DPYSL5: variants seen among roughly 807,000 people sequenced by gnomAD.
DPYSL5 encodes dihydropyrimidinase like 5.
DPYSL5 carries 9 observed loss-of-function variants against 58.4 expected under a neutral mutation model. The ratio of observed to expected loss-of-function variants is 0.15; its 90% CI spans 0.09 to 0.27. The LOEUF (loss-of-function observed/expected upper bound fraction) is 0.27, where lower values mean the gene tolerates loss of function less well. DPYSL5 is among the 10% of genes least tolerant of loss of function. DPYSL5 has a pLI of 1.00. For missense variants in DPYSL5, 499 were observed against 770.6 expected (o/e 0.65, Z 4.17); for synonymous variants, 293 against 301.9 (o/e 0.97, Z 0.31).
intron 1 of DPYSL5, among the ~76,000 whole-genome samples, chr2:26,874,165 A>T (rs960014484): frequency 6.6e-6 from 1 of 152,216 alleles, no homozygotes; most frequent in Non-Finnish European, 1.5e-5. Flanking sequence ...TATTCTGGAT[A>T]TAAGTCCTTT....
At chr2:26,919,783 C>A (rs938525583) in intron 2 of DPYSL5, among the ~76,000 whole-genome samples, 2 of 152,174 alleles carry the variant, frequency 1.3e-5, no homozygotes, top group African/African-American at 4.8e-5. Context: ...TGCTTCCTGG[C>A]AGTGTCCACC....
chr2:26,877,832 C>A lies in DPYSL5; in HGVS notation c.-4-20664C>A, dbSNP rs1023531531. 6.6e-6 allele frequency among the ~76,000 whole-genome samples: 1 copy of A among 152,084 alleles called. No individual in the cohort carries two copies. The highest frequency in any genetic ancestry group is 1.5e-5 in the Non-Finnish European group (1 of 68,032). On this transcript the variant is annotated intron_variant, in intron 1 of 12. Transcript: ENST00000288699. This position sits in a 1 kb window ranked among gnomAD's most constrained non-coding sequence, Gnocchi z 4.1. Reference sequence around the variant, plus strand: ...TGTAAACTACTTTCTTCACTCATAACCTCCCATGTCAATACTTAGAGATCT... The same window carrying A: ...TGTAAACTACTTTCTTCACTCATAAACTCCCATGTCAATACTTAGAGATCT...
At chr2:26,901,705 G>C (rs1664160503) in intron 2 of DPYSL5, among the ~76,000 whole-genome samples, 1 of 152,170 alleles carries the variant, frequency 6.6e-6, no homozygotes, top group South Asian at 2.1e-4. Context: ...GAGAGATCAA[G>C]TTGCATCTTT....
At chr2:26,863,947 A>C (rs924316946) in intron 1 of DPYSL5, among the ~76,000 whole-genome samples, 1 of 152,206 alleles carries the variant, frequency 6.6e-6, no homozygotes, top group African/African-American at 2.4e-5. Context: ...AATTTCAGAA[A>C]TTACATATAG....
chr2:26,886,802 T>C lies in DPYSL5; in HGVS notation c.-4-11694T>C, dbSNP rs562357931. The stretch of plus-strand genomic sequence containing the variant: ...CCCCAGGGTGCCTTATGTGCCAGCA[T>C]CCTCCACAACTCCATTTTAAGAATG... On this transcript the variant is annotated intron_variant, in intron 1 of 12. Coordinates refer to ENST00000288699, the MANE Select transcript of DPYSL5 (RefSeq NM_020134.4). 3.9e-5 allele frequency among the ~76,000 whole-genome samples: 6 copies of C among 152,270 alleles called. No individual in the cohort carries two copies. In the South Asian group the frequency reaches 6.2e-4, roughly 16 times the overall value.
chr2:26,923,709 G>A (rs1181869710), intron 2 of DPYSL5, among the ~76,000 whole-genome samples: 3 of 152,146 alleles, frequency 2.0e-5, no homozygotes, highest in Non-Finnish European at 4.4e-5. Flanking sequence ...TGCCCAGGCT[G>A]GAGTGCAATG....
rs1293916347 is a variant in DPYSL5, at chr2:26,924,556, G to A, written c.262-331G>A. Among the ~76,000 whole-genome samples the A allele has an allele frequency of 6.6e-6, 1 of 152,114 alleles. No homozygotes were observed. Among genetic ancestry groups the A allele is most frequent in the Non-Finnish European group, 1.5e-5 (1 of 68,018 alleles). ...GATCATGTTATCTATAGAGTCAATT[G>A]GCTAAAAATCGTTTGGGGAGAGAAT... On this transcript the variant is annotated intron_variant, in intron 2 of 12. Coordinates refer to ENST00000288699, the MANE Select transcript of DPYSL5 (RefSeq NM_020134.4). This position sits in a 1 kb window ranked among gnomAD's most constrained non-coding sequence, Gnocchi z 4.7.
rs1664080583 is a variant in DPYSL5 at position 26,898,776 on chromosome 2, G to A, written c.261+16G>A. On this transcript the variant is annotated intron_variant, in intron 2 of 12. Transcript: ENST00000288699. The surrounding 1 kb of genome is among the most constrained non-coding windows in gnomAD (Gnocchi z 6.1). ...TGGGACCAAGGTAATGCTCCTGTTT[G>A]CCAAAGGTGGCTTCCTCTTTGGCTT... The A allele has an allele frequency of 1.0e-5, 16 of 1,589,026 alleles. No individual in the cohort carries two copies. The highest frequency in any genetic ancestry group is 1.4e-5 in the Non-Finnish European group (16 of 1,164,642).
In DPYSL5 at chr2:26,848,233, G is replaced by A. The variant is rs550462562; in HGVS notation, c.-26G>A. The A allele has an allele frequency of 6.6e-6, 1 of 152,110 alleles. No homozygotes were observed. The highest frequency in any genetic ancestry group is 2.1e-4 in the South Asian group (1 of 4,826). The allele number at this position is 152,110 out of a possible 1,614,324, so 9.4% of individuals were successfully genotyped here. ...GAGACGGACCGAGCCACGGGCCCCC[G>A]CGGCCGCAGCATCTCGGAGGAGTGG... On this transcript the variant is annotated 5_prime_UTR_variant, in exon 1 of 13. Transcript: ENST00000288699.
chr2:26,913,836 G>A (rs1166711885), intron 2 of DPYSL5, among the ~76,000 whole-genome samples: 1 of 151,968 alleles, frequency 6.6e-6, no homozygotes. Context: ...TTCATTCCAG[G>A]GCTTAAAGGA....
intron 1 of DPYSL5, among the ~76,000 whole-genome samples, chr2:26,868,828 G>C (rs985630941): frequency 6.6e-6 from 1 of 151,756 alleles, no homozygotes; most frequent in Non-Finnish European, 1.5e-5. Flanking sequence ...AAACACATTG[G>C]GTATTCACTT....
chr2:26,904,605 A>G (rs1471740016), intron 2 of DPYSL5, among the ~76,000 whole-genome samples: 1 of 152,156 alleles, frequency 6.6e-6, no homozygotes, highest in Non-Finnish European at 1.5e-5. Flanking sequence ...GGAGACCCAG[A>G]GAGGATGCAT....
intron 1 of DPYSL5, among the ~76,000 whole-genome samples, chr2:26,859,409 T>G (rs1001856148): frequency 1.3e-5 from 2 of 152,182 alleles, no homozygotes; most frequent in Non-Finnish European, 2.9e-5. Context: ...CTATAGTACC[T>G]GATAGTTTTC....
At chr2:26,853,661 C>A (rs1665807871) in intron 1 of DPYSL5, among the ~76,000 whole-genome samples, 1 of 152,124 alleles carries the variant, frequency 6.6e-6, no homozygotes, top group Admixed American at 6.5e-5. Context: ...GCTGGCAAGT[C>A]CCATATCTGT....
At chr2:26,936,560 G>T (rs998891565) in intron 8 of DPYSL5, among the ~76,000 whole-genome samples, 2 of 152,184 alleles carry the variant, frequency 1.3e-5, no homozygotes, top group Non-Finnish European at 2.9e-5. Context: ...GTGCCAGGCG[G>T]CAGCAGCTCT....
intron 1 of DPYSL5, among the ~76,000 whole-genome samples, chr2:26,879,885 T>C (rs1469451175): frequency 6.6e-6 from 1 of 151,782 alleles, no homozygotes; most frequent in Non-Finnish European, 1.5e-5. Flanking sequence ...ATGCTGCCAC[T>C]CGTTTGTTGT....
At position 26,932,123 on chromosome 2, in the gene DPYSL5, GAGAA is replaced by G. The variant is rs1237858790; in HGVS notation, c.714+451_714+454del. On this transcript the variant is annotated intron_variant, in intron 6 of 12. Transcript: ENST00000288699. Reference sequence around the variant, plus strand: ...AGAAAGAAAGAAAAGAAAAAAGAAAGAGAAAGAAAGAAAGAGAAAGAAAGAAAGA... The same window carrying G: ...AGAAAGAAAGAAAAGAAAAAAGAAAGAGAAAGAAAGAGAAAGAAAGAAAGA... 3.2e-3 allele frequency among the ~76,000 whole-genome samples: 344 copies of G among 106,002 alleles called. 11 individuals are homozygous for G. Among genetic ancestry groups the G allele is most frequent in the African/African-American group, 0.014 (300 of 21,426 alleles). The allele number at this position is 106,002 out of a possible 152,430, so 69.5% of individuals were successfully genotyped here. A position where few individuals can be genotyped will look rare whatever the true frequency, so the allele number is the denominator to read the frequency against.
chr2:26,930,514 C>T (rs1279038966), intron 5 of DPYSL5, among the ~76,000 whole-genome samples: 1 of 152,204 alleles, frequency 6.6e-6, no homozygotes, highest in Non-Finnish European at 1.5e-5. Flanking sequence ...AATGCGCAGA[C>T]ACCCCCACCA....
chr2:26,907,453 C>G (rs115223596), intron 2 of DPYSL5, among the ~76,000 whole-genome samples: 1,972 of 152,254 alleles, frequency 0.013, 41 homozygotes, highest in African/African-American at 0.044. Context: ...CCTTGGCCCC[C>G]CTTCATCTCA....
Sources: allele counts gnomAD v4.1 joint callset (sites outside exome capture counted in the v4.1 genomes callset), GRCh38; gene constraint gnomAD v4.1.1; non-coding constraint Gnocchi (gnomAD v3.1); transcripts MANE v1.5; gene names NCBI Gene and HGNC (gene_info 2026-07-23, HGNC 2026-07-21).